Variants in ABCA7 observed in about 807,000 individuals in gnomAD.
ABCA7 encodes ATP binding cassette subfamily A member 7.
In ABCA7, 261 loss-of-function variants were observed where a neutral mutation model predicts 227.6. The ratio of observed to expected loss-of-function variants is 1.15; its 90% CI spans 1.04 to 1.27. ABCA7 has a LOEUF of 1.27. Ranked by LOEUF, ABCA7 falls within the 50% of genes most tolerant of loss-of-function variation. The pLI, the probability that ABCA7 is intolerant of heterozygous loss-of-function variation, is 0.00. For missense variants in ABCA7, 3,331 were observed against 2,924.5 expected, an observed-to-expected ratio of 1.14 and a Z score of -3.21; for synonymous variants, 1,488 against 1,279.7, an observed-to-expected ratio of 1.16 and a Z score of -3.47.
Position 1,056,508 on chromosome 19 carries a change from C to A in ABCA7, c.4586+9C>A, listed in dbSNP as rs1224897866. 1 of 1,608,896 alleles carries A rather than the reference C, an allele frequency of 6.2e-7. No homozygotes were observed. The highest frequency in any genetic ancestry group is 8.5e-7 in the Non-Finnish European group (1 of 1,177,776). Reference sequence around the variant, plus strand: ...CTGTCTGAGGGTGCACTGTGAGTCCCTCCACCCTGCATGTCCTACCCTGCA... The same window carrying A: ...CTGTCTGAGGGTGCACTGTGAGTCCATCCACCCTGCATGTCCTACCCTGCA... On this transcript the variant is annotated intron_variant, in intron 33 of 46. Transcript: ENST00000263094. This position sits in a 1 kb window ranked among gnomAD's most constrained non-coding sequence, Gnocchi z 4.3.
chr19:1,050,472 A>G (rs2041466579), intron 18 of ABCA7, among the ~76,000 whole-genome samples: 1 of 145,834 alleles, frequency 6.9e-6, no homozygotes. Flanking sequence ...TGGATGTAGC[A>G]TTTAATAGGT....
At chr19:1,061,727 T>C in intron 40 of ABCA7, 55 bp from the exon 41 acceptor site, 2 of 1,464,176 alleles carry the variant, frequency 1.4e-6, no homozygotes, top group Non-Finnish European at 1.9e-6. Flanking sequence ...AAATCAGAGA[T>C]GCCGGAACCA....
At chr19:1,062,016 C>A in intron 41 of ABCA7, 128 bp downstream of exon 41, 1 of 1,422,994 alleles carries the variant, frequency 7.0e-7, no homozygotes, top group Non-Finnish European at 9.5e-7. Context: ...TCTGAGACCC[C>A]TGCACCTCTA....
rs2041065579 is a variant in ABCA7 at position 1,048,949 on chromosome 19, G to A, written c.2324G>A (p.Cys775Tyr). 1 of 1,609,638 alleles carries A rather than the reference G, an allele frequency of 6.2e-7. No homozygotes were observed. The highest frequency in any genetic ancestry group is 8.5e-7 in the Non-Finnish European group (1 of 1,178,442). The change falls in exon 17 of 47, where the codon TGC (cysteine) becomes TAC (tyrosine). Residue 775 changes from cysteine to tyrosine, a missense_variant. By Grantham distance (194) the Cys-to-Tyr change is radical (BLOSUM62 -2). Coordinates refer to ENST00000263094, the MANE Select transcript of ABCA7 (RefSeq NM_019112.4). ...WNFPFRRSYWCGPRPPKSPAP... is the reference protein window; with the variant it reads ...WNFPFRRSYWYGPRPPKSPAP... ...TTTCCTTTTCGGAGGAGCTACTGGT[G>A]CGGACCTCGGCCCCCCAAGAGTCCA...
chr19:1,054,839 C>T lies in ABCA7; in HGVS notation c.3911C>T (p.Ala1304Val). Residue 1304 changes from alanine to valine, a missense_variant, in exon 29 of 47, where the codon GCA becomes GTA. Transcript: ENST00000263094. This position sits in a 1 kb window ranked among gnomAD's most constrained non-coding sequence, Gnocchi z 4.8. Reference protein sequence around the residue: ...ARLLEALLQEAGLEEPPVQHS... With the variant: ...ARLLEALLQEVGLEEPPVQHS... ...CTGCTCGAGGCGCTGCTGCAGGAGGCAGGACTGGAGGAGCCCCCAGTGCAG... is the reference window on the plus strand; with the variant it reads ...CTGCTCGAGGCGCTGCTGCAGGAGGTAGGACTGGAGGAGCCCCCAGTGCAG... 1 of 1,568,206 alleles carries T rather than the reference C, an allele frequency of 6.4e-7. No individual in the cohort carries two copies. Among genetic ancestry groups the T allele is most frequent in the Non-Finnish European group, 8.6e-7 (1 of 1,157,290 alleles).
In ABCA7 at chr19:1,049,313, C is replaced by T. The variant is rs747154333; in HGVS notation, c.2428C>T (p.Arg810Cys). The T allele has an allele frequency of 1.9e-6, 3 of 1,611,450 alleles. No individual in the cohort carries two copies. The highest frequency in any genetic ancestry group is 1.7e-5 in the Admixed American group (1 of 59,940). Residue 810 changes from arginine (R) to cysteine (C), a missense_variant, in exon 18 of 47, where the codon CGC becomes TGC. Arg to Cys is a radical substitution (Grantham distance 180). Coordinates refer to ENST00000263094, the MANE Select transcript of ABCA7 (RefSeq NM_019112.4). ...CGGCCTGAGTCCTGGCGTCTCCGTT[C>T]GCAGCCTGGAGAAGCGCTTTCCTGG... ...PPGLSPGVSV[R>C]SLEKRFPGSP...
At chr19:1,045,673 T>G (rs994402787) in intron 12 of ABCA7, 2 of 49,914 alleles carry the variant, frequency 4.0e-5, no homozygotes, top group Admixed American at 1.8e-4. Flanking sequence ...CCCGCCCCCC[T>G]CCCCCACCAA....
chr19:1,056,108 C>T lies in ABCA7; in HGVS notation c.4281C>T (p.Pro1427=), dbSNP rs772046253. Residue 1427 remains proline (P), a synonymous_variant, in exon 32 of 47, where the codon CCC becomes CCT. Coordinates refer to ENST00000263094, the MANE Select transcript of ABCA7 (RefSeq NM_019112.4). The surrounding 1 kb of genome is among the most constrained non-coding windows in gnomAD (Gnocchi z 4.3). ...FSLGGRDPGL[P]SGQELGRSVE... Reference sequence around the variant, plus strand: ...TGGGGGGCCGAGACCCAGGCCTGCCCTCGGGCCAAGAGTTGGGCCGCTCAG... The same window carrying T: ...TGGGGGGCCGAGACCCAGGCCTGCCTTCGGGCCAAGAGTTGGGCCGCTCAG... 4 of 1,606,720 alleles carry T rather than the reference C, an allele frequency of 2.5e-6. No individual in the cohort carries two copies. The highest frequency in any genetic ancestry group is 1.1e-5 in the South Asian group (1 of 90,710).
rs1256444187 is a variant in ABCA7, at chr19:1,058,288, G to A, written c.5149+19G>A. On this transcript the variant is annotated intron_variant, in intron 37 of 46. Transcript: ENST00000263094. Reference sequence around the variant, plus strand: ...CGCTTGGGTGAGAACTTCCTGTCAGGTGGGGCCATGGCTACAGATAGCTAG... The same window carrying A: ...CGCTTGGGTGAGAACTTCCTGTCAGATGGGGCCATGGCTACAGATAGCTAG... 1.9e-6 allele frequency: 3 copies of A among 1,612,224 alleles called. No homozygotes were observed. The highest frequency in any genetic ancestry group is 1.7e-5 in the Admixed American group (1 of 59,936).
In ABCA7 at chr19:1,047,389, G is replaced by A; in HGVS notation, c.2067+11G>A. 1 of 1,559,808 alleles carries A rather than the reference G, an allele frequency of 6.4e-7. No homozygotes were observed. Among genetic ancestry groups the A allele is most frequent in the Non-Finnish European group, 8.6e-7 (1 of 1,158,814 alleles). On this transcript the variant is annotated intron_variant, in intron 15 of 46. Transcript: ENST00000263094. ...GGCCGCGTGGCCGCGGTGAGAGCCG[G>A]GTCGGGCGTGGATGGGGGACGCCCC...
chr19:1,047,758 T>C (rs568848426), intron 16 of ABCA7, 104 bp downstream of exon 16: 498 of 1,269,406 alleles, frequency 3.9e-4, no homozygotes, highest in Non-Finnish European at 5.0e-4. Flanking sequence ...GGGTGGCTTA[T>C]TCCCTTGGAG....
At position 1,062,296 on chromosome 19, in the gene ABCA7, G is replaced by A; in HGVS notation, c.5695G>A (p.Glu1899Lys). The A allele has an allele frequency of 6.2e-7, 1 of 1,606,138 alleles. No homozygotes were observed. The highest frequency in any genetic ancestry group is 1.3e-5 in the African/African-American group (1 of 74,996). The change falls in exon 42 of 47, where the codon GAG (glutamate) becomes AAG (lysine). Residue 1899 changes from glutamate to lysine, a missense_variant. Glu to Lys is a moderately conservative substitution (Grantham distance 56). Transcript: ENST00000263094. The part of the protein sequence containing the change: ...ELLARLRGVP[E>K]AQVAQTAGSG... ...GCTTGCGCGCCTGCGCGGTGTCCCG[G>A]AGGCCCAGGTTGCCCAGGTGAGCCC... is the stretch of plus-strand genomic sequence containing the variant.
chr19:1,044,983 T>A lies in ABCA7; in HGVS notation c.1216-19T>A, dbSNP rs2040469237. On this transcript the variant is annotated intron_variant, in intron 11 of 46. Coordinates refer to ENST00000263094, the MANE Select transcript of ABCA7 (RefSeq NM_019112.4). ...GCAGGCGGACCCCAGCGCCTAGGAC[T>A]CACCCCCGCATCCCACAGTGCCTGT... 1 of 1,610,866 alleles carries A rather than the reference T, an allele frequency of 6.2e-7. No individual in the cohort carries two copies. The highest frequency in any genetic ancestry group is 1.1e-5 in the South Asian group (1 of 91,006).
Position 1,044,987 on chromosome 19 carries a change from C to G in ABCA7, c.1216-15C>G. Reference sequence around the variant, plus strand: ...GCGGACCCCAGCGCCTAGGACTCACCCCCGCATCCCACAGTGCCTGTCCTT... The same window carrying G: ...GCGGACCCCAGCGCCTAGGACTCACGCCCGCATCCCACAGTGCCTGTCCTT... On this transcript the variant is annotated splice_polypyrimidine_tract_variant and intron_variant, in intron 11 of 46. Transcript: ENST00000263094. The G allele has an allele frequency of 1.2e-6, 2 of 1,611,446 alleles. No homozygotes were observed. The highest frequency in any genetic ancestry group is 2.2e-5 in the East Asian group (1 of 44,854).
chr19:1,054,362 G>A lies in ABCA7; in HGVS notation c.3726+21G>A. On this transcript the variant is annotated intron_variant, in intron 27 of 46. Transcript: ENST00000263094. The surrounding 1 kb of genome is among the most constrained non-coding windows in gnomAD (Gnocchi z 4.8). ...CCCAGGTGAGGAGGGCTAGCACCAGGGAGTCGCATGGGAGTCCCTGAGTTC... is the reference window on the plus strand; with the variant it reads ...CCCAGGTGAGGAGGGCTAGCACCAGAGAGTCGCATGGGAGTCCCTGAGTTC... 3.8e-6 allele frequency: 6 copies of A among 1,579,274 alleles called. No homozygotes were observed. The African/African-American group carries it at 4.0e-5, about 11-fold the overall frequency.
Position 1,063,528 on chromosome 19 carries a change from T to C in ABCA7, c.5713-16T>C, listed in dbSNP as rs763444544. 9.3e-6 allele frequency: 15 copies of C among 1,609,172 alleles called. No individual in the cohort carries two copies. The Admixed American group carries it at 2.5e-4, about 27-fold the overall frequency. The stretch of plus-strand genomic sequence containing the variant: ...TCAATATGAGTCCCCATGCCTACTC[T>C]GGCCCCACCCCACAGACCGCTGGCT... On this transcript the variant is annotated splice_polypyrimidine_tract_variant and intron_variant, in intron 42 of 46. Coordinates refer to ENST00000263094, the MANE Select transcript of ABCA7 (RefSeq NM_019112.4).
chr19:1,062,753 C>T (rs369847619), intron 42 of ABCA7, among the ~76,000 whole-genome samples: 3 of 151,562 alleles, frequency 2.0e-5, no homozygotes, highest in African/African-American at 4.9e-5. Flanking sequence ...TGCCCTGGCC[C>T]GCCCCACCCT....
At chr19:1,063,990 G>A in intron 44 of ABCA7, 127 bp downstream of exon 44, 1 of 1,361,540 alleles carries the variant, frequency 7.3e-7, no homozygotes, top group Non-Finnish European at 9.8e-7. Context: ...CCAGGCCCCG[G>A]GGTGTAAGGA....
At position 1,041,236 on chromosome 19, in the gene ABCA7, A is replaced by T; in HGVS notation, c.-126A>T. The T allele has an allele frequency of 2.0e-6, 2 of 976,032 alleles. No individual in the cohort carries two copies. The highest frequency in any genetic ancestry group is 3.3e-6 in the Non-Finnish European group (2 of 613,518). 60.5% of individuals were successfully genotyped at this position (976,032 alleles called of 1,614,324 possible). On this transcript the variant is annotated 5_prime_UTR_variant, in exon 2 of 47. Coordinates refer to ENST00000263094, the MANE Select transcript of ABCA7 (RefSeq NM_019112.4). Reference sequence around the variant, plus strand: ...CTCGCTCTAATCAGAGCTTCCAGGAACCCTGCGCTGTGGGATAAAGGAATG... The same window carrying T: ...CTCGCTCTAATCAGAGCTTCCAGGATCCCTGCGCTGTGGGATAAAGGAATG...
Sources: gnomAD v4.1 joint callset for allele counts (sites outside exome capture counted in the v4.1 genomes callset) on GRCh38, gnomAD v4.1.1 for gene constraint, Gnocchi (gnomAD v3.1) non-coding constraint, MANE v1.5 for transcripts, NCBI Gene and HGNC (gene_info 2026-07-23, HGNC 2026-07-21) for gene names.